The following PTPRT variants were observed in gnomAD, a reference collection of about 807,000 sequenced individuals.
The protein encoded by PTPRT is receptor-type tyrosine-protein phosphatase T.
PTPRT carries 56 observed loss-of-function variants against 176.8 expected under a neutral mutation model. The ratio of observed to expected loss-of-function variants is 0.32; its 90% CI spans 0.26 to 0.40. The LOEUF (loss-of-function observed/expected upper bound fraction) is 0.40, where lower values mean the gene tolerates loss of function less well. PTPRT is among the 10% of genes least tolerant of loss of function. The pLI is 1.00. For synonymous variants in PTPRT, 783 were observed against 739.0 expected, an observed-to-expected ratio of 1.06 and a Z score of -0.96; for missense variants, 1,540 against 1,908.2, an observed-to-expected ratio of 0.81 and a Z score of 3.60.
At chr20:42,131,450 G>A (rs13039931) in intron 18 of PTPRT, among the ~76,000 whole-genome samples, 15,001 of 152,302 alleles carry the variant, frequency 0.098, 945 homozygotes, top group East Asian at 0.24. Flanking sequence ...AACAGAGATT[G>A]TGGTTTAAAA....
At chr20:42,637,425 A>G (rs1004717875) in intron 7 of PTPRT, among the ~76,000 whole-genome samples, 1 of 152,098 alleles carries the variant, frequency 6.6e-6, no homozygotes, top group African/African-American at 2.4e-5. Flanking sequence ...TGATCCTTAC[A>G]TATGCCAAGC....
intron 13 of PTPRT, among the ~76,000 whole-genome samples, chr20:42,267,026 T>A (rs1358732606): frequency 6.6e-6 from 1 of 152,194 alleles, no homozygotes; most frequent in Non-Finnish European, 1.5e-5. Context: ...AATAATAATA[T>A]TTTGGATATA....
At chr20:42,795,470 C>T (rs187074841) in intron 2 of PTPRT, among the ~76,000 whole-genome samples, 3 of 152,300 alleles carry the variant, frequency 2.0e-5, no homozygotes, top group East Asian at 1.9e-4. Context: ...TTCCTCACGT[C>T]GGCAGTAAAA....
chr20:42,886,358 T>G (rs966934836), intron 1 of PTPRT, among the ~76,000 whole-genome samples: 4 of 152,178 alleles, frequency 2.6e-5, no homozygotes, highest in Non-Finnish European at 5.9e-5. Context: ...CACAAGGCTG[T>G]GTGAGCTCAG....
intron 15 of PTPRT, among the ~76,000 whole-genome samples, chr20:42,210,842 A>G (rs532204630): frequency 6.6e-6 from 1 of 152,312 alleles, no homozygotes; most frequent in African/African-American, 2.4e-5. Context: ...CGCCAAGTCA[A>G]TCCTAACCCA....
At chr20:42,550,379 G>A (rs1427359338) in intron 7 of PTPRT, among the ~76,000 whole-genome samples, 1 of 152,134 alleles carries the variant, frequency 6.6e-6, no homozygotes, top group Non-Finnish European at 1.5e-5. Context: ...AGGAAATGAA[G>A]ATAGGCATAA....
chr20:43,136,630 C>A (rs555542523), intron 1 of PTPRT, among the ~76,000 whole-genome samples: 1 of 152,246 alleles, frequency 6.6e-6, no homozygotes, highest in South Asian at 2.1e-4. Flanking sequence ...AGTACATGTG[C>A]AACACACACA....
chr20:43,097,783 A>G (rs189565992), intron 1 of PTPRT, among the ~76,000 whole-genome samples: 1 of 152,338 alleles, frequency 6.6e-6, no homozygotes, highest in East Asian at 1.9e-4. Flanking sequence ...ACCTCCAGAC[A>G]GTGACAGGAT....
At chr20:42,767,977 T>TACACACACACACAC (rs35599788) in intron 5 of PTPRT, among the ~76,000 whole-genome samples, 4 of 125,270 alleles carry the variant, frequency 3.2e-5, no homozygotes, top group African/African-American at 1.2e-4. Context: ...TATAAAATTA[T>TACACACACACACAC]ACACACACAC....
chr20:42,033,435 T>G, the PTPRT span, among the ~76,000 whole-genome samples: 4 of 152,144 alleles, frequency 2.6e-5, no homozygotes. Context: ...GACACTGTGC[T>G]CCACCCACAG....
chr20:43,169,647 A>G (rs1343346215), intron 1 of PTPRT, among the ~76,000 whole-genome samples: 1 of 152,188 alleles, frequency 6.6e-6, no homozygotes, highest in Non-Finnish European at 1.5e-5. Flanking sequence ...GCTTTCATAA[A>G]TTTAAAAGGA....
intron 15 of PTPRT, among the ~76,000 whole-genome samples, chr20:42,209,525 G>A (rs1015082437): frequency 3.9e-5 from 6 of 152,168 alleles, no homozygotes; most frequent in Admixed American, 6.5e-5. Flanking sequence ...ACACCTCTAC[G>A]CAAATGAACT....
chr20:42,097,230 C>G (rs941067340), intron 27 of PTPRT, among the ~76,000 whole-genome samples: 7 of 152,360 alleles, frequency 4.6e-5, no homozygotes, highest in African/African-American at 1.2e-4. Flanking sequence ...GCACAGGGAC[C>G]TCTCTGCAAG....
intron 1 of PTPRT, among the ~76,000 whole-genome samples, chr20:43,117,149 T>TC (rs1262382299): frequency 1.3e-5 from 2 of 152,084 alleles, no homozygotes; most frequent in Non-Finnish European, 2.9e-5. Context: ...TACAGACACT[T>TC]CCACCTATAT....
At chr20:42,850,340 T>C (rs748271469) in intron 2 of PTPRT, among the ~76,000 whole-genome samples, 8 of 152,354 alleles carry the variant, frequency 5.3e-5, no homozygotes, top group Middle Eastern at 3.4e-3. Context: ...ACTGGACTAA[T>C]TGATTCTTCT....
At chr20:43,122,804 C>T (rs948012279) in intron 1 of PTPRT, among the ~76,000 whole-genome samples, 5 of 152,264 alleles carry the variant, frequency 3.3e-5, no homozygotes, top group African/African-American at 1.2e-4. Flanking sequence ...CAAATTAAAC[C>T]TCTTTTCTTT....
chr20:43,106,812 C>T (rs577213357), intron 1 of PTPRT, among the ~76,000 whole-genome samples: 146 of 150,566 alleles, frequency 9.7e-4, no homozygotes, highest in Middle Eastern at 7.0e-3. Context: ...TTTTTTGAAA[C>T]GGAGTTTCGC....
intron 3 of PTPRT, among the ~76,000 whole-genome samples, chr20:42,782,135 CT>C (rs2077223741): frequency 6.6e-6 from 1 of 152,162 alleles, no homozygotes; most frequent in African/African-American, 2.4e-5. Flanking sequence ...ATTTCTGGGT[CT>C]TTTTTCTATT....
rs1600456567 is a variant in PTPRT, at chr20:42,080,319, G to A, written c.*560C>T. ...CCATGCAGGTTAGGTGTGAGGATGG[G>A]GGGCCTCTCTTGTGGCCTAGGGAAC... On this transcript the variant is annotated 3_prime_UTR_variant, in exon 31 of 31. Coordinates refer to ENST00000373187, the MANE Select transcript of PTPRT (RefSeq NM_007050.6). The A allele has an allele frequency of 4.3e-6, 1 of 233,352 alleles. No individual in the cohort carries two copies. The highest frequency in any genetic ancestry group is 6.0e-5 in the East Asian group (1 of 16,548). 14.5% of individuals were successfully genotyped at this position (233,352 alleles called of 1,614,324 possible).
Sources: gnomAD v4.1 joint callset for allele counts (sites outside exome capture counted in the v4.1 genomes callset) on GRCh38, gnomAD v4.1.1 for gene constraint, MANE v1.5 for transcripts, NCBI Gene and HGNC (gene_info 2026-07-23, HGNC 2026-07-21) for gene names.